The following BTBD2 variants were observed in gnomAD, a reference collection of about 807,000 sequenced individuals.
BTBD2 encodes the protein BTB/POZ domain-containing protein 2.
Under a neutral mutation model 44.0 loss-of-function variants are expected in BTBD2, and 15 were observed. The observed-to-expected ratio is 0.34, with a 90% CI of 0.23 to 0.53. BTBD2 has a LOEUF of 0.53. Ranked by LOEUF, BTBD2 falls within the 20% of genes least tolerant of loss-of-function variation. The probability of loss-of-function intolerance (pLI) is 0.95; values close to 1 mark genes in which losing one functional copy is unlikely to be tolerated. For missense variants in BTBD2, 657 were observed against 746.4 expected (o/e 0.88, Z 1.39); for synonymous variants, 443 against 335.9 (o/e 1.32, Z -3.49).
Position 1,993,059 on chromosome 19 carries a change from C to T in BTBD2, c.645G>A (p.Lys215=), listed in dbSNP as rs751864686. 21 of 1,582,126 alleles carry T rather than the reference C, an allele frequency of 1.3e-5. No homozygotes were observed. The South Asian group carries it at 2.0e-4, about 15-fold the overall frequency. The part of the protein sequence containing the change: ...LEAHCVEFLK[K]NLRADNAFML... ...TGAAGGCGTTGTCGGCTCGCAGGTT[C>T]TTCTTCAGGAACTCCACGCAATGGG... is the stretch of plus-strand genomic sequence containing the variant. Residue 215 remains lysine, a synonymous_variant, in exon 3 of 9, where the codon AAG becomes AAA. Coordinates refer to ENST00000255608, the MANE Select transcript of BTBD2 (RefSeq NM_017797.4).
intron 1 of BTBD2, among the ~76,000 whole-genome samples, chr19:2,010,147 G>A (rs200739865): frequency 1.8e-4 from 27 of 152,242 alleles, no homozygotes; most frequent in Middle Eastern, 3.4e-3. Context: ...GCGAGACTCC[G>A]TCTCAAAAAA....
intron 1 of BTBD2, chr19:2,014,535 TG>T (rs1245996643): frequency 1.9e-5 from 2 of 106,328 alleles, no homozygotes; most frequent in Non-Finnish European, 1.9e-5. Flanking sequence ...CCCAGGGATC[TG>T]GGGGCAGAGG....
chr19:2,012,697 G>A (rs1013015569), intron 1 of BTBD2, among the ~76,000 whole-genome samples: 1 of 152,182 alleles, frequency 6.6e-6, no homozygotes, highest in African/African-American at 2.4e-5. Flanking sequence ...CTCCCGCTGG[G>A]CCTCATTGCC....
At chr19:1,991,895 G>A (rs1202898333) in intron 3 of BTBD2, 3 of 150,930 alleles carry the variant, frequency 2.0e-5, no homozygotes, top group Non-Finnish European at 4.4e-5. Flanking sequence ...TCCTTAGAGA[G>A]AGAGAGAAAG....
chr19:1,997,333 G>A lies in BTBD2; in HGVS notation c.527+11C>T, dbSNP rs759938169. On this transcript the variant is annotated intron_variant, in intron 2 of 8. Coordinates refer to ENST00000255608, the MANE Select transcript of BTBD2 (RefSeq NM_017797.4). The stretch of plus-strand genomic sequence containing the variant: ...CCCAGCTCCCCAGCAGGAAGCATCC[G>A]GAAGCATTACTTGAGCAGTGCGAGG... 1.1e-5 allele frequency: 17 copies of A among 1,614,010 alleles called. No homozygotes were observed. Among genetic ancestry groups the A allele is most frequent in the Middle Eastern group, 1.7e-4 (1 of 6,060 alleles).
At chr19:2,010,605 TATCCCAGCACCCCCAGTTCGTCCCGAC>T (rs1407945311) in intron 1 of BTBD2, among the ~76,000 whole-genome samples, 1 of 150,740 alleles carries the variant, frequency 6.6e-6, no homozygotes, top group Non-Finnish European at 1.5e-5. Flanking sequence ...CTCCAGACTT[TATCCCAGCACCCCCAGTTCGTCCCGAC>T]ATCCCCCCAC....
intron 1 of BTBD2, among the ~76,000 whole-genome samples, chr19:2,011,873 G>A (rs1398635457): frequency 6.9e-6 from 1 of 144,582 alleles, no homozygotes; most frequent in South Asian, 2.2e-4. Flanking sequence ...TTTTTTTTTT[G>A]AGACAGAGTC....
intron 1 of BTBD2, among the ~76,000 whole-genome samples, chr19:2,013,338 G>A (rs1313323099): frequency 6.6e-6 from 1 of 152,016 alleles, no homozygotes; most frequent in Non-Finnish European, 1.5e-5. Flanking sequence ...CCGGTACCCC[G>A]CACACTGGCA....
chr19:2,007,656 C>T (rs2016411561), intron 1 of BTBD2, among the ~76,000 whole-genome samples: 1 of 152,018 alleles, frequency 6.6e-6, no homozygotes, highest in African/African-American at 2.4e-5. Context: ...TGGCGAAACC[C>T]CGTCTCTAAA....
In BTBD2 at chr19:1,987,162, G is replaced by C. The variant is rs1442959025; in HGVS notation, c.1269+4C>G. ...GGCCTGGGGATGAGGCTTGGGGCTGGTACCTGGATGTTCACTTGGTAGTCG... is the reference window on the plus strand; with the variant it reads ...GGCCTGGGGATGAGGCTTGGGGCTGCTACCTGGATGTTCACTTGGTAGTCG... On this transcript the variant is annotated splice_donor_region_variant and intron_variant, in intron 7 of 8. Transcript: ENST00000255608. 6.2e-7 allele frequency: 1 copy of C among 1,613,436 alleles called. No homozygotes were observed. The highest frequency in any genetic ancestry group is 2.2e-5 in the East Asian group (1 of 44,874).
chr19:2,008,741 A>G (rs9917119), intron 1 of BTBD2, among the ~76,000 whole-genome samples: 2 of 150,886 alleles, frequency 1.3e-5, no homozygotes, highest in Non-Finnish European at 2.9e-5. Context: ...ACAGGCACAC[A>G]CCACCATGTC....
At chr19:2,012,691 C>T (rs1376647177) in intron 1 of BTBD2, among the ~76,000 whole-genome samples, 3 of 152,216 alleles carry the variant, frequency 2.0e-5, no homozygotes, top group Admixed American at 6.6e-5. Flanking sequence ...TGCTATCTCC[C>T]GCTGGGCCTC....
In BTBD2 at chr19:1,993,119, G is replaced by A. The variant is rs2016204103; in HGVS notation, c.585C>T (p.Tyr195=). The part of the protein sequence containing the change: ...IGPETVMTTL[Y]TAKKYAVPAL... ...CTGGCACCGCGTACTTCTTGGCGGT[G>A]TATAGCGTGGTCATCACCGTCTCCG... Residue 195 remains tyrosine, a synonymous_variant, in exon 3 of 9, where the codon TAC becomes TAT. Transcript: ENST00000255608. 1.2e-6 allele frequency: 2 copies of A among 1,608,394 alleles called. No individual in the cohort carries two copies. Among genetic ancestry groups the A allele is most frequent in the Non-Finnish European group, 1.7e-6 (2 of 1,179,824 alleles).
Position 1,990,810 on chromosome 19 carries a change from C to G in BTBD2, c.697G>C (p.Asp233His). 6.4e-7 allele frequency: 1 copy of G among 1,571,672 alleles called. No homozygotes were observed. Among genetic ancestry groups the G allele is most frequent in the Non-Finnish European group, 8.6e-7 (1 of 1,161,096 alleles). ...FMLLTQARLF[D>H]EPQLASLCLE... ...CACAGGCTGGCCAGCTGCGGTTCAT[C>G]GAAGAGTCGCGCCTGGCAAGAGACA... Residue 233 changes from aspartate to histidine, a missense_variant, in exon 4 of 9, where the codon GAT becomes CAT. Asp to His is a moderately conservative substitution (Grantham distance 81, BLOSUM62 -1). Around this residue, in one of 3 missense-constraint regions of BTBD2, gnomAD observed 449 missense variants for 510.9 expected, o/e 0.88. Coordinates refer to ENST00000255608, the MANE Select transcript of BTBD2 (RefSeq NM_017797.4).
intron 2 of BTBD2, among the ~76,000 whole-genome samples, chr19:1,995,690 G>A (rs2016242092): frequency 6.7e-6 from 1 of 149,682 alleles, no homozygotes; most frequent in Admixed American, 6.7e-5. Context: ...AGGCTGGAGT[G>A]CAGTGGCATG....
At chr19:2,000,091 G>C (rs71337074) in intron 1 of BTBD2, among the ~76,000 whole-genome samples, 2 of 152,320 alleles carry the variant, frequency 1.3e-5, no homozygotes, top group East Asian at 1.9e-4. Context: ...GGTGGGGCAG[G>C]AGGATCCTCC....
At chr19:2,015,053 G>A (rs1026608680) in intron 1 of BTBD2, among the ~76,000 whole-genome samples, 2 of 149,496 alleles carry the variant, frequency 1.3e-5, no homozygotes, top group East Asian at 3.9e-4. Context: ...GGACCGGAGG[G>A]GTGCAGGGGT....
chr19:1,987,328 C>A (rs1426073031), intron 6 of BTBD2, 75 bp from the exon 7 acceptor site: 10 of 1,546,510 alleles, frequency 6.5e-6, no homozygotes, highest in South Asian at 1.1e-5. Context: ...AGCCCACCCC[C>A]ATGCCCGGTC....
At chr19:1,987,740 T>A in intron 5 of BTBD2, 48 bp from the exon 6 acceptor site, 1 of 1,508,716 alleles carries the variant, frequency 6.6e-7, no homozygotes, top group Non-Finnish European at 9.0e-7. Context: ...CACCCCAGGA[T>A]CCCGAGTGCC....
Sources: allele counts gnomAD v4.1 joint callset (sites outside exome capture counted in the v4.1 genomes callset), GRCh38; gene constraint gnomAD v4.1.1; regional missense constraint gnomAD v4.1.1; transcripts MANE v1.5; gene names NCBI Gene and HGNC (gene_info 2026-07-23, HGNC 2026-07-21).